The following WDR37 variants were observed in gnomAD, a reference collection of about 807,000 sequenced individuals.
WDR37 encodes WD repeat-containing protein 37.
WDR37 carries 19 observed loss-of-function variants against 62.9 expected under a neutral mutation model. The observed-to-expected ratio is 0.30, with a 90% CI of 0.21 to 0.44. WDR37 has a LOEUF of 0.44. Among genes scored for constraint, WDR37 ranks in the 20% least tolerant of loss-of-function variants. The pLI, the probability that WDR37 is intolerant of heterozygous loss-of-function variation, is 1.00. For missense variants in WDR37, 474 were observed against 657.6 expected (o/e 0.72, Z 3.05); for synonymous variants, 250 against 260.9 (o/e 0.96, Z 0.40).
intron 11 of WDR37, among the ~76,000 whole-genome samples, chr10:1,123,237 A>G (rs1280592347): frequency 6.6e-6 from 1 of 152,206 alleles, no homozygotes; most frequent in Non-Finnish European, 1.5e-5. Context: ...TTCTCCTCAA[A>G]CTTTTTAAGA....
At chr10:1,094,439 G>A (rs757718261) in intron 8 of WDR37, among the ~76,000 whole-genome samples, 5 of 152,236 alleles carry the variant, frequency 3.3e-5, no homozygotes, top group African/African-American at 7.2e-5. Context: ...GGGATGCAGC[G>A]AGTCATGCGG....
rs1589103569 is a variant in WDR37, at chr10:1,096,027, T to A, written c.650-143T>A. On this transcript the variant is annotated intron_variant, in intron 8 of 13. Coordinates refer to ENST00000263150, the MANE Select transcript of WDR37 (RefSeq NM_014023.4). Reference sequence around the variant, plus strand: ...ATTATGCAGTCTCAGAAAAGAGTTATTTAAGTAAAAAGTACATTCCTCTCA... The same window carrying A: ...ATTATGCAGTCTCAGAAAAGAGTTAATTAAGTAAAAAGTACATTCCTCTCA... The A allele has an allele frequency of 4.4e-6, 3 of 675,822 alleles. No individual in the cohort carries two copies. In the East Asian group the frequency reaches 8.1e-5, roughly 18 times the overall value. The allele number at this position is 675,822 out of a possible 1,614,324, so 41.9% of individuals were successfully genotyped here. A position where few individuals can be genotyped will look rare whatever the true frequency, so the allele number is the denominator to read the frequency against.
intron 2 of WDR37, among the ~76,000 whole-genome samples, chr10:1,074,726 C>T (rs960721248): frequency 3.3e-5 from 5 of 152,184 alleles, no homozygotes; most frequent in East Asian, 3.9e-4. Context: ...TGTAGAGTGA[C>T]GCCCTTTCAG....
intron 1 of WDR37, among the ~76,000 whole-genome samples, chr10:1,069,389 ATTTTTTTT>A (rs377212232): frequency 2.1e-5 from 2 of 95,780 alleles, no homozygotes; most frequent in South Asian, 7.5e-4. Context: ...ATATATATAT[ATTTTTTTT>A]TTTTTTTTTT....
At chr10:1,096,817 C>A (rs1394372457) in intron 9 of WDR37, among the ~76,000 whole-genome samples, 1 of 152,132 alleles carries the variant, frequency 6.6e-6, no homozygotes, top group African/African-American at 2.4e-5. Flanking sequence ...CGGCGAAGAG[C>A]TTGTTGGTAG....
At chr10:1,104,360 G>A (rs1466281599) in intron 10 of WDR37, among the ~76,000 whole-genome samples, 2 of 152,232 alleles carry the variant, frequency 1.3e-5, no homozygotes, top group East Asian at 1.9e-4. Context: ...TCCTCTGGGC[G>A]TGCAGAGGCT....
At chr10:1,058,098 T>C (rs1384792734) in intron 1 of WDR37, among the ~76,000 whole-genome samples, 1 of 36,000 alleles carries the variant, frequency 2.8e-5, no homozygotes, top group Non-Finnish European at 8.5e-5. Context: ...AACTCACCAA[T>C]GTGGAACAAA....
rs566524525 is a variant in WDR37 at position 1,121,942 on chromosome 10, C to T, written c.1104-2276C>T. ...CGCACCTTGATTCTCAGTAGCTTTG[C>T]TGTACTTTGATGTTATATTTTTAAA... On this transcript the variant is annotated intron_variant, in intron 11 of 13. Transcript: ENST00000263150. This position sits in a 1 kb window ranked among gnomAD's most constrained non-coding sequence, Gnocchi z 4.5. Among the ~76,000 whole-genome samples the T allele has an allele frequency of 9.1e-4, 138 of 152,212 alleles. No individual in the cohort carries two copies. Among genetic ancestry groups the T allele is most frequent in the Non-Finnish European group, 1.6e-3 (110 of 68,002 alleles).
At position 1,105,879 on chromosome 10, in the gene WDR37, G is replaced by A. The variant is rs1834991973; in HGVS notation, c.1103+612G>A. ...CGGCTCACTGCAAGCTCCGCCTCCC[G>A]GGTTCACGCCATTCTCCTGCCTCAG... is the stretch of plus-strand genomic sequence containing the variant. On this transcript the variant is annotated intron_variant, in intron 11 of 13. Transcript: ENST00000263150. This position sits in a 1 kb window ranked among gnomAD's most constrained non-coding sequence, Gnocchi z 5.3. Among the ~76,000 whole-genome samples, 1 of 151,938 alleles carries A rather than the reference G, an allele frequency of 6.6e-6. No homozygotes were observed. The highest frequency in any genetic ancestry group is 1.5e-5 in the Non-Finnish European group (1 of 68,002).
chr10:1,067,299 A>T (rs1564496261), intron 1 of WDR37, among the ~76,000 whole-genome samples: 1 of 152,250 alleles, frequency 6.6e-6, no homozygotes, highest in African/African-American at 2.4e-5. Flanking sequence ...GGTCAGTACC[A>T]TATAGGTAAT....
At chr10:1,078,927 T>G (rs542215698) in intron 3 of WDR37, among the ~76,000 whole-genome samples, 1 of 152,348 alleles carries the variant, frequency 6.6e-6, no homozygotes, top group Admixed American at 6.5e-5. Flanking sequence ...TTAAGCTGTT[T>G]TTCACTCTGT....
intron 11 of WDR37, among the ~76,000 whole-genome samples, chr10:1,122,622 CGGGGAA>C (rs1835622848): frequency 6.6e-6 from 1 of 152,276 alleles, no homozygotes; most frequent in Non-Finnish European, 1.5e-5. Flanking sequence ...CCTTAGCTCA[CGGGGAA>C]AGTAAGGTTT....
At chr10:1,076,583 G>A (rs545681701) in intron 2 of WDR37, among the ~76,000 whole-genome samples, 10 of 151,860 alleles carry the variant, frequency 6.6e-5, no homozygotes, top group Middle Eastern at 3.4e-3. Flanking sequence ...GGAGGCTGAG[G>A]CAGGAGAATG....
chr10:1,058,077 A>G (rs1833252698), intron 1 of WDR37, among the ~76,000 whole-genome samples: 3 of 129,970 alleles, frequency 2.3e-5, no homozygotes, highest in Admixed American at 8.1e-5. Flanking sequence ...TAAACACGGT[A>G]TGTAAATATG....
In WDR37 at chr10:1,086,240, A is replaced by G. The variant is rs370588116; in HGVS notation, c.533-46A>G. 5 of 1,523,300 alleles carry G rather than the reference A, an allele frequency of 3.3e-6. No homozygotes were observed. The African/African-American group carries it at 5.5e-5, about 17-fold the overall frequency. The allele number at this position is 1,523,300 out of a possible 1,614,324, so 94.4% of individuals were successfully genotyped here. A position where few individuals can be genotyped will look rare whatever the true frequency, so the allele number is the denominator to read the frequency against. ...CTTATTCTTTCATTTGAAAAACTAT[A>G]AACTGATGATAGCTAAGTTCCGACT... On this transcript the variant is annotated intron_variant, in intron 6 of 13. Transcript: ENST00000263150.
At chr10:1,068,049 A>G (rs1476851538) in intron 1 of WDR37, among the ~76,000 whole-genome samples, 1 of 149,476 alleles carries the variant, frequency 6.7e-6, no homozygotes, top group Non-Finnish European at 1.5e-5. Flanking sequence ...GGAAAAATAG[A>G]TAGATAATAG....
chr10:1,122,553 G>T (rs1252081184), intron 11 of WDR37, among the ~76,000 whole-genome samples: 2 of 152,232 alleles, frequency 1.3e-5, no homozygotes, highest in African/African-American at 2.4e-5. Context: ...AGCCAGGCAG[G>T]ACGCGCAGCC....
Position 1,124,360 on chromosome 10 carries a change from C to CA in WDR37, c.1238+11dup. ...GGACTCTGCCATTAACAGGTAAAGT[C>CA]AAACTGTTGGTTAAGTAAGTGGCTT... On this transcript the variant is annotated intron_variant, in intron 12 of 13. Coordinates refer to ENST00000263150, the MANE Select transcript of WDR37 (RefSeq NM_014023.4). The CA allele has an allele frequency of 6.2e-7, 1 of 1,614,082 alleles. No individual in the cohort carries two copies. The highest frequency in any genetic ancestry group is 8.5e-7 in the Non-Finnish European group (1 of 1,180,026).
intron 11 of WDR37, among the ~76,000 whole-genome samples, chr10:1,108,403 T>C (rs1354188370): frequency 6.6e-6 from 1 of 152,224 alleles, no homozygotes; most frequent in Non-Finnish European, 1.5e-5. Flanking sequence ...ATTTTTCTTA[T>C]GACTTCCTTT....
Sources: allele counts gnomAD v4.1 joint callset (sites outside exome capture counted in the v4.1 genomes callset), GRCh38; gene constraint gnomAD v4.1.1; non-coding constraint Gnocchi (gnomAD v3.1); transcripts MANE v1.5; gene names NCBI Gene and HGNC (gene_info 2026-07-23, HGNC 2026-07-21).